KIAA2012: variants seen among roughly 807,000 people sequenced by gnomAD.
KIAA2012 encodes uncharacterized protein KIAA2012.
A neutral mutation model predicts 150.6 loss-of-function variants in KIAA2012; 125 were observed. That is an observed-to-expected ratio of 0.83 (90% confidence interval 0.72 to 0.96). The LOEUF (loss-of-function observed/expected upper bound fraction) is 0.96, where lower values mean the gene tolerates loss of function less well. Among genes scored for constraint, KIAA2012 ranks in the 40% least tolerant of loss-of-function variants. The probability of loss-of-function intolerance (pLI) is 0.00; values close to 1 mark genes in which losing one functional copy is unlikely to be tolerated. For synonymous variants in KIAA2012, 462 were observed against 504.7 expected (o/e 0.92, Z 1.13); for missense variants, 1,219 against 1,354.9 (o/e 0.90, Z 1.57).
At chr2:202,180,000 G>C in intron 15 of KIAA2012, 1 of 563,822 alleles carries the variant, frequency 1.8e-6, no homozygotes, top group Non-Finnish European at 3.3e-6. Context: ...GGGTGGGCGC[G>C]GTGGCTCATG....
At chr2:202,185,864 G>A (rs1692217574) in intron 16 of KIAA2012, among the ~76,000 whole-genome samples, 1 of 152,158 alleles carries the variant, frequency 6.6e-6, no homozygotes, top group Non-Finnish European at 1.5e-5. Context: ...CTTTTATAGA[G>A]TGACATTGAA....
At chr2:202,084,617 T>A (rs1006547353) in intron 2 of KIAA2012, among the ~76,000 whole-genome samples, 1 of 152,176 alleles carries the variant, frequency 6.6e-6, no homozygotes, top group Non-Finnish European at 1.5e-5. Flanking sequence ...TGCTGTCATG[T>A]TTATTTTCCT....
chr2:202,146,879 G>T (rs114400766), intron 13 of KIAA2012, among the ~76,000 whole-genome samples: 362 of 152,270 alleles, frequency 2.4e-3, no homozygotes, highest in African/African-American at 8.2e-3. Context: ...ACCTCTCTGA[G>T]GCACAGTTTC....
chr2:202,196,615 G>T (rs1002228514), intron 21 of KIAA2012, among the ~76,000 whole-genome samples, 185 bp from the exon 22 acceptor site: 1 of 152,094 alleles, frequency 6.6e-6, no homozygotes, highest in Non-Finnish European at 1.5e-5. Context: ...ATTAATAAAG[G>T]ACTCTTAAAT....
At chr2:202,128,904 T>C (rs868201692) in intron 12 of KIAA2012, among the ~76,000 whole-genome samples, 1 of 152,098 alleles carries the variant, frequency 6.6e-6, no homozygotes, top group Non-Finnish European at 1.5e-5. Context: ...TATTCCCCAT[T>C]TGTTGCTAAG....
At chr2:202,125,798 T>C (rs1236949599) in intron 12 of KIAA2012, 2 of 437,828 alleles carry the variant, frequency 4.6e-6, no homozygotes, top group Non-Finnish European at 9.0e-6. Flanking sequence ...GGAGTATAGG[T>C]TGACTTTGTA....
chr2:202,201,997 C>T, intron 22 of KIAA2012: 1 of 598,150 alleles, frequency 1.7e-6, no homozygotes, highest in Non-Finnish European at 3.0e-6. Context: ...TAGCGTTACC[C>T]AACGCCTGAG....
intron 11 of KIAA2012, among the ~76,000 whole-genome samples, chr2:202,118,659 A>C (rs1690584524): frequency 6.6e-6 from 1 of 152,218 alleles, no homozygotes; most frequent in Non-Finnish European, 1.5e-5. Context: ...GGAGATTCCC[A>C]TCAGGCTTGG....
intron 4 of KIAA2012, 91 bp from the exon 5 acceptor site, chr2:202,097,344 C>T: frequency 6.6e-7 from 1 of 1,518,840 alleles, no homozygotes; most frequent in Non-Finnish European, 8.8e-7. Flanking sequence ...CACTTTTACT[C>T]AGAGAAGCAA....
chr2:202,075,460 C>A (rs1689305934), intron 2 of KIAA2012, among the ~76,000 whole-genome samples: 1 of 152,152 alleles, frequency 6.6e-6, no homozygotes, highest in African/African-American at 2.4e-5. Flanking sequence ...ACACAAAGTC[C>A]TTTTCAGCAT....
At chr2:202,194,109 A>C (rs1406458980) in intron 20 of KIAA2012, 81 bp from the exon 21 acceptor site, 2 of 1,461,850 alleles carry the variant, frequency 1.4e-6, no homozygotes, top group Non-Finnish European at 1.8e-6. Flanking sequence ...AGCCTCCCCC[A>C]TGGGCACTGT....
At chr2:202,158,781 GT>G (rs1691589898) in intron 14 of KIAA2012, among the ~76,000 whole-genome samples, 2 of 152,146 alleles carry the variant, frequency 1.3e-5, no homozygotes, top group Non-Finnish European at 2.9e-5. Flanking sequence ...AAGGATAGAG[GT>G]TTTTTTCAGG....
chr2:202,112,354 A>G (rs752188076), intron 10 of KIAA2012, among the ~76,000 whole-genome samples: 2 of 152,226 alleles, frequency 1.3e-5, no homozygotes, highest in African/African-American at 4.8e-5. Context: ...AGCTCGGCAC[A>G]TGCTTGCCCA....
chr2:202,158,230 G>A (rs528033954), intron 14 of KIAA2012, among the ~76,000 whole-genome samples: 1 of 151,928 alleles, frequency 6.6e-6, no homozygotes, highest in East Asian at 1.9e-4. Flanking sequence ...TCCTGACCTC[G>A]CAATCCGCCT....
At chr2:202,118,012 T>A (rs1406221835) in intron 11 of KIAA2012, among the ~76,000 whole-genome samples, 1 of 152,132 alleles carries the variant, frequency 6.6e-6, no homozygotes, top group East Asian at 1.9e-4. Flanking sequence ...ATATGCCCCT[T>A]TCCCCAAGGA....
intron 11 of KIAA2012, among the ~76,000 whole-genome samples, chr2:202,121,760 C>T (rs1225573840): frequency 1.3e-5 from 2 of 152,190 alleles, no homozygotes; most frequent in African/African-American, 4.8e-5. Context: ...AGTCACTGCC[C>T]TCAAGGACCT....
chr2:202,168,439 G>GA (rs558727491), intron 15 of KIAA2012, among the ~76,000 whole-genome samples: 9 of 142,244 alleles, frequency 6.3e-5, no homozygotes, highest in South Asian at 4.6e-4. Context: ...AAAAAAGAAA[G>GA]AAAAAAAAAG....
intron 15 of KIAA2012, among the ~76,000 whole-genome samples, chr2:202,176,305 T>C (rs1691988859): frequency 6.6e-6 from 1 of 152,174 alleles, no homozygotes; most frequent in South Asian, 2.1e-4. Context: ...CAAGCGATTC[T>C]GCTGCCTCAG....
chr2:202,146,475 A>G (rs1691299252), intron 13 of KIAA2012, among the ~76,000 whole-genome samples: 1 of 152,088 alleles, frequency 6.6e-6, no homozygotes, highest in East Asian at 1.9e-4. Context: ...TACTAAAAAT[A>G]CAAAAAATTA....
Sources: gnomAD v4.1 joint callset for allele counts (sites outside exome capture counted in the v4.1 genomes callset) on GRCh38, gnomAD v4.1.1 for gene constraint, MANE v1.5 for transcripts, NCBI Gene and HGNC (gene_info 2026-07-23, HGNC 2026-07-21) for gene names.